The following BNC2 variants were observed in gnomAD, a reference collection of about 807,000 sequenced individuals.
BNC2 encodes the protein zinc finger protein basonuclin-2.
In BNC2, 20 loss-of-function variants were observed where a neutral mutation model predicts 76.3. The ratio of observed to expected loss-of-function variants is 0.26; its 90% CI spans 0.18 to 0.38. The LOEUF is 0.38. Ranked by LOEUF, BNC2 falls within the 10% of genes least tolerant of loss-of-function variation. The pLI, the probability that BNC2 is intolerant of heterozygous loss-of-function variation, is 1.00. For missense variants in BNC2, 1,382 were observed against 1,399.8 expected (o/e 0.99, Z 0.20); for synonymous variants, 582 against 514.8 (o/e 1.13, Z -1.77).
intron 3 of BNC2, among the ~76,000 whole-genome samples, chr9:16,639,804 C>T (rs1821436836): frequency 6.6e-6 from 1 of 152,026 alleles, no homozygotes; most frequent in Admixed American, 6.6e-5. Flanking sequence ...TGCCTACCAT[C>T]CTAGCTACTT....
intron 5 of BNC2, among the ~76,000 whole-genome samples, chr9:16,505,555 C>T (rs1822606374): frequency 6.6e-6 from 1 of 151,934 alleles, no homozygotes; most frequent in African/African-American, 2.4e-5. Context: ...GGGAGAGAGC[C>T]AAATATGCAG....
chr9:16,846,865 CCAT>C (rs1264211532), intron 1 of BNC2, among the ~76,000 whole-genome samples: 1 of 152,148 alleles, frequency 6.6e-6, no homozygotes, highest in African/African-American at 2.4e-5. Flanking sequence ...CAGCACTAGG[CCAT>C]CAATTTCCAA....
At chr9:16,805,011 G>A (rs1056998735) in intron 1 of BNC2, among the ~76,000 whole-genome samples, 4 of 151,990 alleles carry the variant, frequency 2.6e-5, no homozygotes, top group Non-Finnish European at 4.4e-5. Context: ...GCAGTGAGCC[G>A]AGACCACGCC....
chr9:16,497,688 T>C (rs985343913), intron 5 of BNC2, among the ~76,000 whole-genome samples: 1 of 152,022 alleles, frequency 6.6e-6, no homozygotes, highest in Admixed American at 6.6e-5. Context: ...TAAAAGTCAT[T>C]TAGATTGGGT....
chr9:16,829,615 G>A (rs991198798), intron 1 of BNC2, among the ~76,000 whole-genome samples: 3 of 152,132 alleles, frequency 2.0e-5, no homozygotes, highest in Admixed American at 1.3e-4. Flanking sequence ...TTGCAAAGAG[G>A]AGGATTTAGA....
chr9:16,718,339 A>G (rs914677141), intron 3 of BNC2, among the ~76,000 whole-genome samples: 2 of 152,178 alleles, frequency 1.3e-5, no homozygotes, highest in Non-Finnish European at 2.9e-5. Flanking sequence ...TCCTACTTAC[A>G]TTATAATAGA....
intron 1 of BNC2, among the ~76,000 whole-genome samples, chr9:16,864,273 C>G (rs1271131383): frequency 6.6e-6 from 1 of 152,064 alleles, no homozygotes; most frequent in East Asian, 1.9e-4. Context: ...TATGAAATAT[C>G]TTTTAATTAT....
At chr9:16,705,862 G>A (rs1823653631) in intron 3 of BNC2, among the ~76,000 whole-genome samples, 1 of 152,230 alleles carries the variant, frequency 6.6e-6, no homozygotes, top group Non-Finnish European at 1.5e-5. Flanking sequence ...GAAGTTGAGA[G>A]AAAAATTCAA....
At chr9:16,756,246 C>A (rs1268241561) in intron 1 of BNC2, among the ~76,000 whole-genome samples, 1 of 152,106 alleles carries the variant, frequency 6.6e-6, no homozygotes, top group East Asian at 1.9e-4. Context: ...AAATTATATT[C>A]TCTCTCTCTT....
chr9:16,549,212 A>T (rs938043376), intron 5 of BNC2, among the ~76,000 whole-genome samples: 1 of 152,196 alleles, frequency 6.6e-6, no homozygotes, highest in African/African-American at 2.4e-5. Context: ...TGTACACATA[A>T]AGGATGCAGG....
intron 6 of BNC2, among the ~76,000 whole-genome samples, chr9:16,425,270 A>G (rs1820782476): frequency 6.6e-6 from 1 of 152,210 alleles, no homozygotes; most frequent in Non-Finnish European, 1.5e-5. Flanking sequence ...GGGTTTAGCT[A>G]ATTTACTGCA....
chr9:16,857,294 G>T (rs10962642), intron 1 of BNC2, among the ~76,000 whole-genome samples: 16,640 of 151,686 alleles, frequency 0.11, 1,196 homozygotes, highest in Non-Finnish European at 0.16. Flanking sequence ...CCTGTCCAGC[G>T]TGGTGAAACC....
intron 3 of BNC2, among the ~76,000 whole-genome samples, chr9:16,681,595 C>T (rs944920987): frequency 6.6e-6 from 1 of 152,170 alleles, no homozygotes; most frequent in Non-Finnish European, 1.5e-5. Flanking sequence ...CAAACTCACA[C>T]ACACACTCAC....
chr9:16,785,809 A>G (rs1039931100), intron 1 of BNC2, among the ~76,000 whole-genome samples: 6 of 144,420 alleles, frequency 4.2e-5, no homozygotes, highest in African/African-American at 1.6e-4. Flanking sequence ...GCTGTCTCCA[A>G]AAAAAAAAAA....
intron 1 of BNC2, among the ~76,000 whole-genome samples, chr9:16,824,332 T>C (rs1268907540): frequency 6.6e-6 from 1 of 152,186 alleles, no homozygotes; most frequent in East Asian, 1.9e-4. Context: ...ATTAAAAGAC[T>C]TGAAACTTCT....
At chr9:16,700,629 G>C (rs1286055599) in intron 3 of BNC2, among the ~76,000 whole-genome samples, 1 of 152,076 alleles carries the variant, frequency 6.6e-6, no homozygotes, top group East Asian at 1.9e-4. Context: ...TTTTGCGGTG[G>C]TATTTACCCC....
intron 1 of BNC2, among the ~76,000 whole-genome samples, chr9:16,863,001 G>A (rs936704007): frequency 3.3e-5 from 5 of 150,416 alleles, no homozygotes; most frequent in Non-Finnish European, 5.9e-5. Flanking sequence ...TGCAACCTCC[G>A]CCTCCCAGGT....
chr9:16,489,490 C>A (rs989001861), intron 5 of BNC2, among the ~76,000 whole-genome samples: 1 of 152,146 alleles, frequency 6.6e-6, no homozygotes, highest in Admixed American at 6.5e-5. Flanking sequence ...TCAATCATTG[C>A]TGGTCTCAGG....
At chr9:16,438,588 C>A (rs546371042) in intron 5 of BNC2, among the ~76,000 whole-genome samples, 1 of 152,108 alleles carries the variant, frequency 6.6e-6, no homozygotes, top group Non-Finnish European at 1.5e-5. Flanking sequence ...AATAATGACT[C>A]CATCACTTTC....
Sources: allele counts gnomAD v4.1 joint callset (sites outside exome capture counted in the v4.1 genomes callset), GRCh38; gene constraint gnomAD v4.1.1; transcripts MANE v1.5; gene names NCBI Gene and HGNC (gene_info 2026-07-23, HGNC 2026-07-21).